The following ACOXL variants were observed in gnomAD, a reference collection of about 807,000 sequenced individuals.
ACOXL encodes the protein acyl-CoA oxidase like, also known as acyl-coenzyme A oxidase-like protein.
ACOXL carries 70 observed loss-of-function variants against 71.9 expected under a neutral mutation model. The ratio of observed to expected loss-of-function variants is 0.97; its 90% CI spans 0.80 to 1.19. ACOXL has a LOEUF of 1.19. Among genes scored for constraint, ACOXL ranks in the 50% most tolerant of loss-of-function variants. ACOXL has a pLI of 0.00. For missense variants in ACOXL, 703 were observed against 736.3 expected (o/e 0.95, Z 0.52); for synonymous variants, 253 against 281.6 (o/e 0.90, Z 1.02).
chr2:111,014,911 G>A (rs1461220421), intron 14 of ACOXL, among the ~76,000 whole-genome samples: 3 of 152,190 alleles, frequency 2.0e-5, no homozygotes, highest in African/African-American at 7.2e-5. Context: ...CTAGATATCT[G>A]AAGGAAAATA....
chr2:110,865,747 G>A (rs749297767), intron 10 of ACOXL, among the ~76,000 whole-genome samples: 3 of 152,074 alleles, frequency 2.0e-5, no homozygotes, highest in Non-Finnish European at 4.4e-5. Context: ...TTATGTGTGT[G>A]TTTGCAAGGA....
chr2:110,907,876 C>T (rs577660817), intron 10 of ACOXL, among the ~76,000 whole-genome samples: 86 of 152,314 alleles, frequency 5.6e-4, no homozygotes, highest in African/African-American at 1.9e-3. Context: ...TGCTTCTTCT[C>T]TTTGAGTGGT....
At chr2:110,817,275 A>G (rs962008467) in intron 9 of ACOXL, among the ~76,000 whole-genome samples, 2 of 152,188 alleles carry the variant, frequency 1.3e-5, no homozygotes, top group African/African-American at 4.8e-5. Context: ...TTCCAGTTTC[A>G]CAGCCAAGAA....
intron 10 of ACOXL, chr2:110,887,058 G>A (rs151251647): frequency 1.7e-5 from 9 of 523,930 alleles, no homozygotes; most frequent in Admixed American, 3.3e-5. Flanking sequence ...GGTCTGCTGT[G>A]TATGTCTCTC....
chr2:110,804,081 G>C (rs1246447948), intron 8 of ACOXL, among the ~76,000 whole-genome samples: 1 of 151,142 alleles, frequency 6.6e-6, no homozygotes, highest in Non-Finnish European at 1.5e-5. Context: ...CTGCCTCCTG[G>C]GTTCAAGTGA....
At chr2:110,805,515 C>T (rs1686530321) in intron 9 of ACOXL, 120 bp downstream of exon 9, 6 of 1,393,826 alleles carry the variant, frequency 4.3e-6, no homozygotes, top group East Asian at 2.3e-5. Flanking sequence ...GGCCAGGGTT[C>T]CCGGTTAGAT....
At chr2:111,060,366 T>G (rs2066753985) in intron 16 of ACOXL, among the ~76,000 whole-genome samples, 1 of 152,138 alleles carries the variant, frequency 6.6e-6, no homozygotes, top group South Asian at 2.1e-4. Context: ...GGAGACCATC[T>G]GGGGAGCAGA....
intron 3 of ACOXL, among the ~76,000 whole-genome samples, chr2:110,793,010 T>G (rs1684833113): frequency 6.6e-6 from 1 of 152,200 alleles, no homozygotes; most frequent in African/African-American, 2.4e-5. Context: ...ATGATGATGC[T>G]TTCTCTCCAG....
chr2:110,995,983 G>C lies in ACOXL; in HGVS notation c.1260G>C (p.Leu420Phe). The C allele has an allele frequency of 6.3e-7, 1 of 1,591,208 alleles. No individual in the cohort carries two copies. Among genetic ancestry groups the C allele is most frequent in the African/African-American group, 1.8e-5 (1 of 56,274 alleles). ...KFRERVLQRG[L>F]VARIYYKVKT... Reference sequence around the variant, plus strand: ...GTGAAAGGGTTCTTCAGCGGGGTTTGGTGGCCAGAATTTATTATAAGGTAA... The same window carrying C: ...GTGAAAGGGTTCTTCAGCGGGGTTTCGTGGCCAGAATTTATTATAAGGTAA... Residue 420 changes from leucine to phenylalanine, a missense_variant, in exon 14 of 18, where the codon TTG becomes TTC. Leu to Phe is a conservative substitution (Grantham distance 22, BLOSUM62 0). Coordinates refer to ENST00000439055, the MANE Select transcript of ACOXL (RefSeq NM_001142807.4).
intron 1 of ACOXL, among the ~76,000 whole-genome samples, chr2:110,767,171 G>A (rs1681194121): frequency 6.6e-6 from 1 of 152,188 alleles, no homozygotes; most frequent in African/African-American, 2.4e-5. Flanking sequence ...ACCTGAGTGA[G>A]GTCCTACAGG....
intron 12 of ACOXL, among the ~76,000 whole-genome samples, chr2:110,941,427 A>G (rs2149369146): frequency 6.6e-6 from 1 of 152,364 alleles, no homozygotes; most frequent in African/African-American, 2.4e-5. Context: ...CCCCTGTGCA[A>G]GCTTCCAGCT....
At chr2:110,972,441 C>T (rs946521581) in intron 12 of ACOXL, among the ~76,000 whole-genome samples, 8 of 152,080 alleles carry the variant, frequency 5.3e-5, no homozygotes, top group African/African-American at 1.4e-4. Context: ...ATGATCCAGC[C>T]GGAAACACTT....
chr2:111,065,725 A>G (rs1400481435), intron 16 of ACOXL, among the ~76,000 whole-genome samples: 1 of 152,240 alleles, frequency 6.6e-6, no homozygotes, highest in Non-Finnish European at 1.5e-5. Flanking sequence ...CGTTTCACTC[A>G]TGAGGCTAGA....
At chr2:110,991,999 C>G (rs532709300) in intron 13 of ACOXL, among the ~76,000 whole-genome samples, 4 of 152,280 alleles carry the variant, frequency 2.6e-5, no homozygotes, top group Admixed American at 2.6e-4. Flanking sequence ...AAACTTGTTC[C>G]CCAACTGGCC....
chr2:111,019,925 A>G (rs961929324), intron 14 of ACOXL, among the ~76,000 whole-genome samples: 1 of 152,078 alleles, frequency 6.6e-6, no homozygotes, highest in African/African-American at 2.4e-5. Flanking sequence ...CAGTGGCACA[A>G]TCTTGGCTCA....
At chr2:111,024,740 A>G (rs1292791113) in intron 14 of ACOXL, among the ~76,000 whole-genome samples, 1 of 152,074 alleles carries the variant, frequency 6.6e-6, no homozygotes, top group East Asian at 1.9e-4. Context: ...GTTATCAGGA[A>G]AACAGTAGCT....
At chr2:110,944,953 A>G (rs1241111545) in intron 12 of ACOXL, among the ~76,000 whole-genome samples, 1 of 152,242 alleles carries the variant, frequency 6.6e-6, no homozygotes, top group African/African-American at 2.4e-5. Context: ...ACCAATTTAC[A>G]TTCCCACCAG....
intron 12 of ACOXL, among the ~76,000 whole-genome samples, chr2:110,948,592 G>C (rs1271251246): frequency 6.7e-6 from 1 of 149,984 alleles, no homozygotes; most frequent in Admixed American, 6.8e-5. Context: ...GTTCCTGCTT[G>C]TTCCATGTGG....
chr2:110,941,499 C>T (rs1029961483), intron 12 of ACOXL, among the ~76,000 whole-genome samples: 2 of 152,156 alleles, frequency 1.3e-5, no homozygotes, highest in African/African-American at 4.8e-5. Context: ...AAAATTATTT[C>T]TGGGGCTGTT....
Sources: gnomAD v4.1 joint callset for allele counts (sites outside exome capture counted in the v4.1 genomes callset) on GRCh38, gnomAD v4.1.1 for gene constraint, MANE v1.5 for transcripts, NCBI Gene and HGNC (gene_info 2026-07-23, HGNC 2026-07-21) for gene names.